Variants in AK9 observed in about 807,000 individuals in gnomAD.
The protein encoded by AK9 is adenylate kinase domain containing 1.
Under a neutral mutation model 239.6 loss-of-function variants are expected in AK9, and 191 were observed. The ratio of observed to expected loss-of-function variants is 0.80; its 90% confidence interval spans 0.71 to 0.90. The LOEUF (loss-of-function observed/expected upper bound fraction) is 0.90, where lower values mean the gene tolerates loss of function less well. Among genes scored for constraint, AK9 ranks in the 40% least tolerant of loss-of-function variants. The pLI is 0.00. For missense variants in AK9, 1,995 were observed against 2,214.7 expected, an observed-to-expected ratio of 0.90 and a Z score of 1.99; for synonymous variants, 689 against 721.0, an observed-to-expected ratio of 0.96 and a Z score of 0.71.
intron 18 of AK9, 21 bp from the exon 19 acceptor site, chr6:109,585,258 C>A: frequency 1.4e-6 from 1 of 712,670 alleles, no homozygotes; most frequent in Non-Finnish European, 1.8e-6. Flanking sequence ...GATAAGGAGA[C>A]TAATATTACT....
intron 28 of AK9, among the ~76,000 whole-genome samples, chr6:109,530,206 G>A (rs1008418430): frequency 7.9e-5 from 12 of 152,126 alleles, no homozygotes; most frequent in African/African-American, 1.9e-4. Context: ...TTTAAATACC[G>A]GGAAGATAGA....
intron 12 of AK9, among the ~76,000 whole-genome samples, chr6:109,629,300 T>A (rs1795869495): frequency 6.6e-6 from 1 of 152,172 alleles, no homozygotes; most frequent in South Asian, 2.1e-4. Context: ...ACTCAAATTC[T>A]ATAATGTAAC....
At chr6:109,593,274 A>T (rs1251215145) in intron 17 of AK9, among the ~76,000 whole-genome samples, 1 of 152,016 alleles carries the variant, frequency 6.6e-6, no homozygotes. Flanking sequence ...GGTTTTCAAC[A>T]TTCTCTTGGA....
At chr6:109,581,622 A>C (rs905834246) in intron 19 of AK9, among the ~76,000 whole-genome samples, 13 of 152,212 alleles carry the variant, frequency 8.5e-5, no homozygotes, top group Non-Finnish European at 1.8e-4. Context: ...AAGCTAGCAG[A>C]AGTTGGTTCA....
chr6:109,495,516 A>G, intron 38 of AK9, 76 bp from the exon 39 acceptor site: 2 of 1,051,292 alleles, frequency 1.9e-6, no homozygotes, highest in East Asian at 2.6e-5. Flanking sequence ...ACAAGAGACT[A>G]TTAGAAGATA....
chr6:109,566,739 T>C (rs1443578798), intron 21 of AK9, among the ~76,000 whole-genome samples: 2 of 150,990 alleles, frequency 1.3e-5, no homozygotes, highest in Non-Finnish European at 3.0e-5. Flanking sequence ...AAGAGGGGAG[T>C]GAGGGATGAA....
At chr6:109,602,981 T>C (rs549586728) in intron 17 of AK9, among the ~76,000 whole-genome samples, 2 of 152,322 alleles carry the variant, frequency 1.3e-5, no homozygotes, top group South Asian at 4.1e-4. Flanking sequence ...GTCTAATCTT[T>C]TTTCAAGGTT....
At chr6:109,596,481 G>C (rs751459668) in intron 17 of AK9, among the ~76,000 whole-genome samples, 8 of 152,214 alleles carry the variant, frequency 5.3e-5, no homozygotes, top group Admixed American at 2.6e-4. Context: ...GGACCTAGAA[G>C]AGTGGATGCT....
intron 29 of AK9, chr6:109,528,595 A>C (rs1367621846): frequency 6.5e-6 from 3 of 458,404 alleles, no homozygotes; most frequent in Non-Finnish European, 1.3e-5. Flanking sequence ...CCGCTTCTGC[A>C]ATGCTTTGTG....
intron 17 of AK9, among the ~76,000 whole-genome samples, chr6:109,590,629 T>A (rs1226750297): frequency 6.6e-6 from 1 of 152,172 alleles, no homozygotes; most frequent in Non-Finnish European, 1.5e-5. Context: ...TAATTTGAGA[T>A]CTTTCTATCT....
At chr6:109,587,128 G>A (rs1304399710) in intron 17 of AK9, among the ~76,000 whole-genome samples, 2 of 151,992 alleles carry the variant, frequency 1.3e-5, no homozygotes, top group African/African-American at 4.8e-5. Flanking sequence ...ATTATTATCT[G>A]AATAAGCAGT....
intron 15 of AK9, 30 bp from the exon 16 acceptor site, chr6:109,612,123 G>T (rs1239599379): frequency 3.1e-5 from 44 of 1,397,694 alleles, no homozygotes; most frequent in Non-Finnish European, 4.0e-5. Context: ...AATGCCTAAA[G>T]AACGGTATTA....
intron 13 of AK9, among the ~76,000 whole-genome samples, chr6:109,615,432 T>C (rs1287163960): frequency 2.0e-5 from 3 of 152,170 alleles, no homozygotes; most frequent in Non-Finnish European, 4.4e-5. Context: ...CAGCCTTAAA[T>C]AGGTTGAATA....
intron 26 of AK9, among the ~76,000 whole-genome samples, chr6:109,544,487 G>A (rs2064822): frequency 1.3e-5 from 2 of 151,820 alleles, no homozygotes; most frequent in Non-Finnish European, 2.9e-5. Flanking sequence ...CTGTCATGAC[G>A]GTAGTGAGTG....
intron 25 of AK9, among the ~76,000 whole-genome samples, chr6:109,549,105 C>A (rs1203922435): frequency 1.3e-5 from 2 of 152,094 alleles, no homozygotes; most frequent in African/African-American, 4.8e-5. Context: ...CCAAAGTGTC[C>A]CTCTCCACTA....
chr6:109,532,677 CT>C (rs1345519059), intron 28 of AK9, among the ~76,000 whole-genome samples: 5 of 152,024 alleles, frequency 3.3e-5, no homozygotes, highest in Non-Finnish European at 2.9e-5. Context: ...GTTGTTTCTA[CT>C]TTCTGGTTAT....
chr6:109,528,402 C>A, intron 29 of AK9: 1 of 374,346 alleles, frequency 2.7e-6, no homozygotes, highest in Non-Finnish European at 5.3e-6. Flanking sequence ...CAGTGTCAGA[C>A]ACAAAGCTCA....
intron 29 of AK9, chr6:109,528,129 G>A (rs187696693): frequency 4.1e-6 from 1 of 241,554 alleles, no homozygotes; most frequent in African/African-American, 2.3e-5. Context: ...ATACTGCGTA[G>A]GTGTGTTTAA....
At chr6:109,656,573 AAAT>A (rs1277314250) in intron 8 of AK9, among the ~76,000 whole-genome samples, 180 bp downstream of exon 8, 1 of 152,128 alleles carries the variant, frequency 6.6e-6, no homozygotes, top group Non-Finnish European at 1.5e-5. Context: ...TGTAAGAGTA[AAAT>A]AATATTGTTC....
Sources: allele counts gnomAD v4.1 joint callset (sites outside exome capture counted in the v4.1 genomes callset), GRCh38; gene constraint gnomAD v4.1.1; transcripts MANE v1.5; gene names NCBI Gene and HGNC (gene_info 2026-07-23, HGNC 2026-07-21).